Variants in GNAO1 observed in about 807,000 individuals in gnomAD.
GNAO1 encodes the protein guanine nucleotide-binding protein G(o) subunit alpha.
For synonymous variants in GNAO1, 164 were observed against 180.7 expected, an observed-to-expected ratio of 0.91 and a Z score of 0.74; for missense variants, 166 against 478.7, an observed-to-expected ratio of 0.35 and a Z score of 6.10.
At chr16:56,222,144 A>G (rs572851969) in intron 2 of GNAO1, among the ~76,000 whole-genome samples, 12 of 152,310 alleles carry the variant, frequency 7.9e-5, no homozygotes, top group African/African-American at 2.9e-4. Flanking sequence ...GCTGACAGCT[A>G]AGAGTGGCAT....
At chr16:56,211,395 C>G (rs2036386108) in intron 2 of GNAO1, among the ~76,000 whole-genome samples, 1 of 152,148 alleles carries the variant, frequency 6.6e-6, no homozygotes, top group African/African-American at 2.4e-5. Context: ...AGCATAGACA[C>G]CCCCAGAACT....
intron 2 of GNAO1, among the ~76,000 whole-genome samples, chr16:56,222,754 G>A (rs1472331004): frequency 4.6e-5 from 7 of 152,116 alleles, no homozygotes; most frequent in African/African-American, 1.2e-4. Context: ...ACAGATCCTC[G>A]GAGAGCATTT....
chr16:56,220,535 A>AT (rs1782260438), intron 2 of GNAO1, among the ~76,000 whole-genome samples: 1 of 152,168 alleles, frequency 6.6e-6, no homozygotes, highest in South Asian at 2.1e-4. Context: ...ACTATGAAGA[A>AT]TTTCCTTAGA....
intron 6 of GNAO1, chr16:56,347,546 CAAA>C (rs2037883027): frequency 1.0e-6 from 1 of 985,448 alleles, no homozygotes; most frequent in Non-Finnish European, 1.2e-6. Context: ...AGGCCCCTGT[CAAA>C]GAAGGGGCAG....
chr16:56,222,550 G>C (rs2036500056), intron 2 of GNAO1, among the ~76,000 whole-genome samples: 1 of 152,160 alleles, frequency 6.6e-6, no homozygotes, highest in Non-Finnish European at 1.5e-5. Flanking sequence ...GGCCTCTTCA[G>C]AACAAAAGCA....
Position 56,275,591 on chromosome 16 carries a change from C to T in GNAO1, c.162-340C>T, listed in dbSNP as rs900547349. On this transcript the variant is annotated intron_variant, in intron 2 of 8. Coordinates refer to ENST00000262493, the MANE Select transcript of GNAO1 (RefSeq NM_020988.3). Reference sequence around the variant, plus strand: ...TGGGTGTACACCTAAGTTGGGACCCCGAACTTTGCTTAAAATACTCATGAC... The same window carrying T: ...TGGGTGTACACCTAAGTTGGGACCCTGAACTTTGCTTAAAATACTCATGAC... Among the ~76,000 whole-genome samples the T allele has an allele frequency of 5.3e-5, 8 of 152,086 alleles. No individual in the cohort carries two copies. The East Asian group carries it at 1.2e-3, about 22-fold the overall frequency.
chr16:56,323,172 G>C (rs2037593957), intron 3 of GNAO1, among the ~76,000 whole-genome samples: 1 of 152,206 alleles, frequency 6.6e-6, no homozygotes, highest in Non-Finnish European at 1.5e-5. Flanking sequence ...CCCGTGAGAG[G>C]GGGCAAGTTG....
intron 2 of GNAO1, chr16:56,194,030 A>C: frequency 2.3e-6 from 1 of 435,158 alleles, no homozygotes; most frequent in Non-Finnish European, 4.7e-6. Context: ...CGGTTTCAGA[A>C]CCAAGATGCA....
At chr16:56,277,895 C>T (rs1394599428) in intron 3 of GNAO1, among the ~76,000 whole-genome samples, 1 of 151,716 alleles carries the variant, frequency 6.6e-6, no homozygotes, top group African/African-American at 2.4e-5. Context: ...CCAGCTCTTC[C>T]TAAAAATCTC....
chr16:56,308,836 G>A (rs1188633586), intron 3 of GNAO1, among the ~76,000 whole-genome samples: 2 of 152,180 alleles, frequency 1.3e-5, no homozygotes, highest in Non-Finnish European at 2.9e-5. Flanking sequence ...CAAGACAGAA[G>A]GAGGAGGAAG....
chr16:56,273,812 G>A (rs888896563), intron 2 of GNAO1, among the ~76,000 whole-genome samples: 10 of 152,166 alleles, frequency 6.6e-5, no homozygotes, highest in South Asian at 2.1e-4. Context: ...TGCCCCAGGC[G>A]TTCAACAAGG....
At chr16:56,334,706 C>A (rs1352234638) in intron 4 of GNAO1, 23 bp from the exon 5 acceptor site, 3 of 1,613,340 alleles carry the variant, frequency 1.9e-6, no homozygotes, top group South Asian at 2.2e-5. Context: ...GGTCCATAGT[C>A]CCCTGTTTGT....
chr16:56,298,931 G>A (rs1263499064), intron 3 of GNAO1, among the ~76,000 whole-genome samples: 2 of 148,722 alleles, frequency 1.3e-5, no homozygotes, highest in South Asian at 2.1e-4. Flanking sequence ...AAAAAAAAAA[G>A]GGTTAATTAA....
chr16:56,348,047 A>G (rs1028054206), intron 6 of GNAO1: 290 of 980,170 alleles, frequency 3.0e-4, no homozygotes, highest in Non-Finnish European at 3.4e-4. Context: ...CCACCTCCCA[A>G]CCCCATCACT....
rs141745835 is a variant in GNAO1 at position 56,263,422 on chromosome 16, G to A, written c.162-12509G>A. On this transcript the variant is annotated intron_variant, in intron 2 of 8. Coordinates refer to ENST00000262493, the MANE Select transcript of GNAO1 (RefSeq NM_020988.3). ...ACTCAGTCCTCATGGAGCTCACGTC[G>A]ATATGTGGGGAAACAGATGGTATAC... 2.5e-3 allele frequency among the ~76,000 whole-genome samples: 378 copies of A among 152,256 alleles called. 2 individuals carry two copies. The highest frequency in any genetic ancestry group is 8.6e-3 in the African/African-American group (359 of 41,552).
intron 3 of GNAO1, among the ~76,000 whole-genome samples, chr16:56,296,877 C>A (rs1159053912): frequency 6.6e-6 from 1 of 152,194 alleles, no homozygotes; most frequent in Non-Finnish European, 1.5e-5. Context: ...AATCCCAGTT[C>A]TCTGGAAGCT....
intron 2 of GNAO1, among the ~76,000 whole-genome samples, chr16:56,273,928 T>C (rs2037039381): frequency 6.6e-6 from 1 of 152,238 alleles, no homozygotes; most frequent in East Asian, 1.9e-4. Context: ...TCTTTAGTAA[T>C]TGTTCCTTGA....
chr16:56,323,926 C>G (rs1287733544), intron 3 of GNAO1, among the ~76,000 whole-genome samples: 2 of 152,004 alleles, frequency 1.3e-5, no homozygotes, highest in Non-Finnish European at 2.9e-5. Context: ...CTGCAGGGCA[C>G]TGGGCATGGG....
At chr16:56,255,900 GACTC>G (rs1239244398) in intron 2 of GNAO1, among the ~76,000 whole-genome samples, 1 of 152,102 alleles carries the variant, frequency 6.6e-6, no homozygotes, top group Non-Finnish European at 1.5e-5. Context: ...TCTCAACAGG[GACTC>G]ACCTGCAATA....
Sources: allele counts gnomAD v4.1 joint callset (sites outside exome capture counted in the v4.1 genomes callset), GRCh38; gene constraint gnomAD v4.1.1; transcripts MANE v1.5; gene names NCBI Gene and HGNC (gene_info 2026-07-23, HGNC 2026-07-21).